GRIK4: variants seen among roughly 807,000 people sequenced by gnomAD.
The protein encoded by GRIK4 is glutamate receptor ionotropic, kainate 4.
In GRIK4, 40 loss-of-function variants were observed where a neutral mutation model predicts 104.9. The observed-to-expected ratio is 0.38, with a 90% CI of 0.30 to 0.50. The LOEUF (loss-of-function observed/expected upper bound fraction) is 0.50. GRIK4 is among the 20% of genes least tolerant of loss of function. The pLI is 0.93. For synonymous variants in GRIK4, 485 were observed against 524.9 expected (o/e 0.92, Z 1.04); for missense variants, 1,047 against 1,308.1 (o/e 0.80, Z 3.08).
At chr11:120,784,044 A>G (rs1189768684) in intron 3 of GRIK4, among the ~76,000 whole-genome samples, 5 of 152,192 alleles carry the variant, frequency 3.3e-5, no homozygotes, top group Non-Finnish European at 7.3e-5. Context: ...TGTGGCCTCC[A>G]CCAGGAGGTA....
chr11:120,555,799 C>A lies in GRIK4; in HGVS notation c.-159+43912C>A, dbSNP rs2248558. Among the ~76,000 whole-genome samples the A allele has an allele frequency of 6.6e-6, 1 of 152,006 alleles. No individual in the cohort carries two copies. The highest frequency in any genetic ancestry group is 1.5e-5 in the Non-Finnish European group (1 of 68,022). On this transcript the variant is annotated intron_variant, in intron 1 of 20. Transcript: ENST00000527524. The surrounding 1 kb of genome is among the most constrained non-coding windows in gnomAD (Gnocchi z 5.3). ...CAGAGGCCTTGGGGCTTCTTCCCAC[C>A]GTCATTATTGATGTCCCTGCCACCA...
At chr11:120,694,534 C>G (rs1015576753) in intron 3 of GRIK4, among the ~76,000 whole-genome samples, 15 of 152,232 alleles carry the variant, frequency 9.9e-5, no homozygotes, top group Non-Finnish European at 1.6e-4. Flanking sequence ...CACCCCCCAA[C>G]CCAACCTCTC....
chr11:120,965,971 C>T (rs1944376903), intron 18 of GRIK4, among the ~76,000 whole-genome samples: 2 of 152,190 alleles, frequency 1.3e-5, no homozygotes, highest in African/African-American at 4.8e-5. Flanking sequence ...AACTGGGCAG[C>T]TTAGTTGTTT....
At chr11:120,712,925 T>C (rs776267049) in intron 3 of GRIK4, among the ~76,000 whole-genome samples, 1 of 152,224 alleles carries the variant, frequency 6.6e-6, no homozygotes, top group Non-Finnish European at 1.5e-5. Context: ...CCTGGATCCC[T>C]TCTTTTGCTG....
At chr11:120,979,411 A>C (rs1944614512) in intron 19 of GRIK4, among the ~76,000 whole-genome samples, 1 of 152,162 alleles carries the variant, frequency 6.6e-6, no homozygotes, top group Non-Finnish European at 1.5e-5. Flanking sequence ...AGAAGCAAAA[A>C]TTTTTAAATG....
chr11:120,979,765 G>A (rs1393861598), intron 19 of GRIK4, among the ~76,000 whole-genome samples: 2 of 152,178 alleles, frequency 1.3e-5, no homozygotes, highest in African/African-American at 4.8e-5. Context: ...ACCTAAAGGG[G>A]AAAGAAAACC....
intron 3 of GRIK4, among the ~76,000 whole-genome samples, chr11:120,788,538 T>G (rs1034579571): frequency 6.6e-6 from 1 of 152,102 alleles, no homozygotes; most frequent in Non-Finnish European, 1.5e-5. Context: ...CATGCGTCTG[T>G]GTCAAACATA....
Position 120,987,304 on chromosome 11 carries a change from C to G in GRIK4, c.*1044C>G, listed in dbSNP as rs1183986901. On this transcript the variant is annotated 3_prime_UTR_variant, in exon 21 of 21. Transcript: ENST00000527524. ...ACAGAGGCGGAAGGACTGGGCCACC[C>G]CGTTGGTATGGTGCATACTTTGTCA... The G allele has an allele frequency of 6.6e-6, 1 of 152,216 alleles. No homozygotes were observed. 9.4% of individuals were successfully genotyped at this position (152,216 alleles called of 1,614,324 possible).
chr11:120,515,638 C>A (rs532981177), intron 1 of GRIK4, among the ~76,000 whole-genome samples: 63 of 152,336 alleles, frequency 4.1e-4, no homozygotes, highest in African/African-American at 1.5e-3. Flanking sequence ...TTGCCTGACA[C>A]CTTTTCACAT....
At chr11:120,957,783 A>C (rs1944195892) in intron 16 of GRIK4, among the ~76,000 whole-genome samples, 1 of 152,164 alleles carries the variant, frequency 6.6e-6, no homozygotes, top group South Asian at 2.1e-4. Context: ...TGATGTTTCC[A>C]CCCTTGAGTA....
chr11:120,679,158 A>G (rs977349124), intron 3 of GRIK4, among the ~76,000 whole-genome samples: 11 of 152,128 alleles, frequency 7.2e-5, no homozygotes, highest in South Asian at 2.1e-4. Flanking sequence ...CTTCAAAATG[A>G]TTAATCCTAC....
At chr11:120,775,861 T>C (rs1026774684) in intron 3 of GRIK4, among the ~76,000 whole-genome samples, 1 of 152,262 alleles carries the variant, frequency 6.6e-6, no homozygotes, top group Non-Finnish European at 1.5e-5. Context: ...TACCACACGG[T>C]GCTACCTCTT....
intron 7 of GRIK4, among the ~76,000 whole-genome samples, chr11:120,833,638 AT>A (rs1160667117): frequency 1.3e-5 from 2 of 151,982 alleles, no homozygotes; most frequent in Non-Finnish European, 1.5e-5. Flanking sequence ...TTGCACTATT[AT>A]TTTTTTTATT....
intron 3 of GRIK4, among the ~76,000 whole-genome samples, chr11:120,779,520 C>T (rs1591902730): frequency 6.6e-6 from 1 of 152,212 alleles, no homozygotes; most frequent in South Asian, 2.1e-4. Flanking sequence ...CATTCTGGAA[C>T]AAGGGTGAGG....
intron 3 of GRIK4, among the ~76,000 whole-genome samples, chr11:120,758,236 G>T (rs1241700019): frequency 1.3e-5 from 2 of 152,124 alleles, no homozygotes; most frequent in South Asian, 4.1e-4. Flanking sequence ...GACCTGGGGG[G>T]CCCCTGTGCC....
At chr11:120,894,603 A>T (rs1172925720) in intron 11 of GRIK4, 1 of 152,328 alleles carries the variant, frequency 6.6e-6, no homozygotes, top group Non-Finnish European at 1.5e-5. Flanking sequence ...TGAGAGAGAC[A>T]GAAAGTATAG....
At chr11:120,525,386 A>G (rs749155500) in intron 1 of GRIK4, among the ~76,000 whole-genome samples, 3 of 152,224 alleles carry the variant, frequency 2.0e-5, no homozygotes, top group Non-Finnish European at 4.4e-5. Flanking sequence ...GGAGCCTCCC[A>G]TCAAACCAGG....
At chr11:120,580,696 G>T (rs1198055993) in intron 1 of GRIK4, among the ~76,000 whole-genome samples, 2 of 152,082 alleles carry the variant, frequency 1.3e-5, no homozygotes, top group Non-Finnish European at 2.9e-5. Context: ...AGCCTCCCCG[G>T]TAGCTGGGAC....
chr11:120,742,576 G>A (rs763878279), intron 3 of GRIK4, among the ~76,000 whole-genome samples: 24 of 151,024 alleles, frequency 1.6e-4, no homozygotes, highest in Non-Finnish European at 2.9e-4. Flanking sequence ...GGACTGCAGT[G>A]GTGCTAAGAA....
Sources: allele counts gnomAD v4.1 joint callset (sites outside exome capture counted in the v4.1 genomes callset), GRCh38; gene constraint gnomAD v4.1.1; non-coding constraint Gnocchi (gnomAD v3.1); transcripts MANE v1.5; gene names NCBI Gene and HGNC (gene_info 2026-07-23, HGNC 2026-07-21).